The following PGGT1B variants were observed in gnomAD, a reference collection of about 807,000 sequenced individuals.
The protein encoded by PGGT1B is protein geranylgeranyltransferase type I subunit beta, also known as geranylgeranyl transferase type-1 subunit beta.
PGGT1B carries 30 observed loss-of-function variants against 46.1 expected under a neutral mutation model. The observed-to-expected ratio is 0.65, with a 90% CI of 0.49 to 0.88. PGGT1B has a LOEUF of 0.88. PGGT1B is among the 40% of genes least tolerant of loss of function. PGGT1B has a pLI of 0.00. For missense variants in PGGT1B, 376 were observed against 455.9 expected (o/e 0.82, Z 1.60); for synonymous variants, 170 against 160.0 (o/e 1.06, Z -0.47).
intron 2 of PGGT1B, among the ~76,000 whole-genome samples, chr5:115,243,147 G>T (rs1364537492): frequency 1.3e-5 from 2 of 151,658 alleles, no homozygotes; most frequent in African/African-American, 4.8e-5. Flanking sequence ...TTTTAAATTG[G>T]TAAGCTACTT....
chr5:115,240,885 G>T (rs1341352291), intron 3 of PGGT1B, among the ~76,000 whole-genome samples: 1 of 152,104 alleles, frequency 6.6e-6, no homozygotes, highest in African/African-American at 2.4e-5. Context: ...AAAAATACTT[G>T]TATTTTGTGT....
intron 7 of PGGT1B, among the ~76,000 whole-genome samples, chr5:115,219,775 G>A (rs1314538312): frequency 6.6e-6 from 1 of 151,686 alleles, no homozygotes; most frequent in Non-Finnish European, 1.5e-5. Context: ...ATAGGCAAAG[G>A]GTTTGAATAG....
chr5:115,250,781 A>C (rs1580777000), intron 2 of PGGT1B, among the ~76,000 whole-genome samples: 1 of 152,250 alleles, frequency 6.6e-6, no homozygotes, highest in Non-Finnish European at 1.5e-5. Flanking sequence ...CATGACTAGC[A>C]CTCCAGAAGC....
chr5:115,241,113 T>C (rs79398034), intron 3 of PGGT1B, among the ~76,000 whole-genome samples: 4,711 of 152,316 alleles, frequency 0.031, 138 homozygotes, highest in Middle Eastern at 0.088. Flanking sequence ...CTTTTTCTTT[T>C]ATTCCTAAGA....
At chr5:115,257,530 C>CAAA (rs1169870044) in intron 1 of PGGT1B, among the ~76,000 whole-genome samples, 90 of 71,046 alleles carry the variant, frequency 1.3e-3, no homozygotes, top group Middle Eastern at 8.8e-3. Context: ...AACTCCATCT[C>CAAA]AAAAAAAAAA....
At chr5:115,214,333 G>A (rs1268669424) in intron 8 of PGGT1B, among the ~76,000 whole-genome samples, 1 of 152,082 alleles carries the variant, frequency 6.6e-6, no homozygotes. Flanking sequence ...AAGTGGCAAC[G>A]TACAAGCACT....
intron 1 of PGGT1B, among the ~76,000 whole-genome samples, chr5:115,261,835 G>A (rs2127040065): frequency 6.6e-6 from 1 of 152,270 alleles, no homozygotes; most frequent in South Asian, 2.1e-4. Flanking sequence ...ATATAGCACA[G>A]AACTCTATAC....
rs1345513026 is a variant in PGGT1B, at chr5:115,208,399, G to C, written c.*4003C>G. On this transcript the variant is annotated 3_prime_UTR_variant, in exon 9 of 9. Coordinates refer to ENST00000419445, the MANE Select transcript of PGGT1B (RefSeq NM_005023.4). The stretch of plus-strand genomic sequence containing the variant: ...CTGGGCTTGATGCTTCTTTTGGTAA[G>C]GGGTACTTTTAACTATTTGTTTCTT... 6.6e-6 allele frequency: 1 copy of C among 151,888 alleles called. No individual in the cohort carries two copies. Among genetic ancestry groups the C allele is most frequent in the African/African-American group, 2.4e-5 (1 of 41,402 alleles). 9.4% of individuals were successfully genotyped at this position (151,888 alleles called of 1,614,324 possible).
At position 115,253,262 on chromosome 5, in the gene PGGT1B, G is replaced by T; in HGVS notation, c.141-7C>A. On this transcript the variant is annotated splice_polypyrimidine_tract_variant and splice_region_variant and intron_variant, in intron 1 of 8. Coordinates refer to ENST00000419445, the MANE Select transcript of PGGT1B (RefSeq NM_005023.4). ...AAAAAATGCAATTGTCAACCTAAAA[G>T]AAAAAAATGTAAAATTCCATCTTAA... The T allele has an allele frequency of 5.1e-6, 8 of 1,565,622 alleles. No homozygotes were observed. The highest frequency in any genetic ancestry group is 6.9e-6 in the Non-Finnish European group (8 of 1,162,372).
chr5:115,221,795 G>A, intron 7 of PGGT1B, 29 bp downstream of exon 7: 1 of 1,404,314 alleles, frequency 7.1e-7, no homozygotes, highest in South Asian at 1.3e-5. Context: ...ACAGAATATA[G>A]GTTTCTCATT....
chr5:115,218,387 ATG>A (rs1312525942), intron 7 of PGGT1B, among the ~76,000 whole-genome samples: 3 of 121,320 alleles, frequency 2.5e-5, no homozygotes, highest in African/African-American at 3.5e-5. Flanking sequence ...TAAGCATTAT[ATG>A]TGTGTGTGTA....
In PGGT1B at chr5:115,228,871, A is replaced by T. The variant is rs140526069; in HGVS notation, c.658+2105T>A. On this transcript the variant is annotated intron_variant, in intron 6 of 8. Transcript: ENST00000419445. ...GAAAAAGATATTGGATTTGAAATAC[A>T]GATCACTCATGACTTTCAAAGACAA... Among the ~76,000 whole-genome samples, 35 of 152,334 alleles carry T rather than the reference A, an allele frequency of 2.3e-4. 1 individual carries two copies. The East Asian group carries it at 6.4e-3, about 28-fold the overall frequency.
Position 115,205,979 on chromosome 5 carries a change from T to G in PGGT1B, c.*6423A>C, listed in dbSNP as rs1756050795. On this transcript the variant is annotated 3_prime_UTR_variant, in exon 9 of 9. Transcript: ENST00000419445. ...GCCATTAAAATGGTAAAAAGTGCAA[T>G]TACTTATGCACTGACCTAATATGTT... is the stretch of plus-strand genomic sequence containing the variant. 1 of 151,940 alleles carries G rather than the reference T, an allele frequency of 6.6e-6. No homozygotes were observed. Among genetic ancestry groups the G allele is most frequent in the East Asian group, 1.9e-4 (1 of 5,182 alleles). The allele number at this position is 151,940 out of a possible 1,614,324, so 9.4% of individuals were successfully genotyped here.
At chr5:115,256,418 G>C (rs1748315094) in intron 1 of PGGT1B, among the ~76,000 whole-genome samples, 1 of 152,150 alleles carries the variant, frequency 6.6e-6, no homozygotes, top group Non-Finnish European at 1.5e-5. Flanking sequence ...CAAGAAATCA[G>C]CCATGTGATG....
chr5:115,244,276 T>C (rs1369806220), intron 2 of PGGT1B, among the ~76,000 whole-genome samples: 1 of 151,370 alleles, frequency 6.6e-6, no homozygotes, highest in Non-Finnish European at 1.5e-5. Flanking sequence ...CCATCCTGGC[T>C]AACACAGTGA....
intron 3 of PGGT1B, among the ~76,000 whole-genome samples, chr5:115,241,232 T>A (rs1757335416): frequency 6.6e-6 from 1 of 152,178 alleles, no homozygotes; most frequent in Admixed American, 6.5e-5. Context: ...ACTCAGGAAA[T>A]CACCAATAAC....
intron 8 of PGGT1B, among the ~76,000 whole-genome samples, chr5:115,216,275 G>T (rs1481087284): frequency 6.6e-6 from 1 of 152,078 alleles, no homozygotes; most frequent in East Asian, 1.9e-4. Context: ...GCATAGCTGG[G>T]ACTACAGGCA....
rs1259343655 is a variant in PGGT1B, at chr5:115,251,877, A to T, written c.259+1260T>A. Among the ~76,000 whole-genome samples, 5 of 152,080 alleles carry T rather than the reference A, an allele frequency of 3.3e-5. No homozygotes were observed. In the East Asian group the frequency reaches 7.7e-4, roughly 23 times the overall value. On this transcript the variant is annotated intron_variant, in intron 2 of 8. Transcript: ENST00000419445. ...ATCTGTAATAATTCTACCATACCTC[A>T]GTCTAATAATCAACTGTTTAAAAAA...
intron 5 of PGGT1B, among the ~76,000 whole-genome samples, chr5:115,233,310 T>C (rs1028648044): frequency 1.3e-5 from 2 of 151,430 alleles, no homozygotes; most frequent in Non-Finnish European, 1.5e-5. Context: ...GAAATAGTGT[T>C]AGAAAAGAAA....
Sources: gnomAD v4.1 joint callset for allele counts (sites outside exome capture counted in the v4.1 genomes callset) on GRCh38, gnomAD v4.1.1 for gene constraint, MANE v1.5 for transcripts, NCBI Gene and HGNC (gene_info 2026-07-23, HGNC 2026-07-21) for gene names.